The following ULK4 variants were observed in gnomAD, a reference collection of about 807,000 sequenced individuals.
ULK4 encodes the protein inactive serine/threonine-protein kinase ULK4.
ULK4 carries 133 observed loss-of-function variants against 160.6 expected under a neutral mutation model. That is an observed-to-expected ratio of 0.83 (90% CI 0.72 to 0.96). The LOEUF (loss-of-function observed/expected upper bound fraction) is 0.96. ULK4 is among the 40% of genes least tolerant of loss of function. ULK4 has a pLI of 0.00. For missense variants in ULK4, 1,580 were observed against 1,499.5 expected (o/e 1.05, Z -0.89); for synonymous variants, 534 against 539.8 (o/e 0.99, Z 0.15).
At chr3:41,900,543 C>T (rs1048264705) in intron 13 of ULK4, among the ~76,000 whole-genome samples, 182 bp downstream of exon 13, 2 of 152,070 alleles carry the variant, frequency 1.3e-5, no homozygotes, top group Non-Finnish European at 2.9e-5. Context: ...GAAGTGAAGG[C>T]AGAGGAAAGG....
intron 34 of ULK4, among the ~76,000 whole-genome samples, chr3:41,409,798 A>T (rs2082374477): frequency 1.3e-5 from 2 of 151,982 alleles, no homozygotes; most frequent in Non-Finnish European, 2.9e-5. Flanking sequence ...AAAATACAAA[A>T]ATTAGCCAGG....
intron 32 of ULK4, among the ~76,000 whole-genome samples, chr3:41,478,949 A>G (rs1357956127): frequency 2.0e-5 from 3 of 152,266 alleles, no homozygotes; most frequent in Admixed American, 2.0e-4. Flanking sequence ...TTAAAGAATG[A>G]TTGATCATAT....
intron 30 of ULK4, among the ~76,000 whole-genome samples, chr3:41,657,526 T>C (rs964289092): frequency 6.6e-6 from 1 of 152,102 alleles, no homozygotes; most frequent in Non-Finnish European, 1.5e-5. Flanking sequence ...TGTACATCTA[T>C]AGTTGACCAT....
intron 17 of ULK4, among the ~76,000 whole-genome samples, chr3:41,880,334 G>A (rs1017651584): frequency 6.6e-6 from 1 of 152,096 alleles, no homozygotes; most frequent in Non-Finnish European, 1.5e-5. Context: ...AAAAGATACA[G>A]ATGTCAATAA....
intron 32 of ULK4, among the ~76,000 whole-genome samples, chr3:41,501,338 A>C (rs1191027800): frequency 6.6e-6 from 1 of 152,156 alleles, no homozygotes. Context: ...TCTACTAAAA[A>C]TACAAACAAA....
intron 35 of ULK4, among the ~76,000 whole-genome samples, chr3:41,364,118 T>A (rs1408312188): frequency 1.3e-5 from 2 of 152,166 alleles, no homozygotes; most frequent in East Asian, 3.9e-4. Context: ...ATATATTTTT[T>A]GTAGAGACAA....
At chr3:41,842,263 G>T (rs960191641) in intron 17 of ULK4, among the ~76,000 whole-genome samples, 1 of 149,280 alleles carries the variant, frequency 6.7e-6, no homozygotes, top group Non-Finnish European at 1.5e-5. Context: ...CTATGATCAA[G>T]CCACTGTACT....
intron 33 of ULK4, among the ~76,000 whole-genome samples, chr3:41,460,090 C>G (rs913064417): frequency 2.0e-5 from 3 of 152,190 alleles, no homozygotes; most frequent in Admixed American, 2.0e-4. Flanking sequence ...TAAAAACAGA[C>G]AGCCCCCTAA....
At chr3:41,774,404 T>C (rs1160746158) in intron 21 of ULK4, among the ~76,000 whole-genome samples, 1 of 150,650 alleles carries the variant, frequency 6.6e-6, no homozygotes, top group Non-Finnish European at 1.5e-5. Flanking sequence ...CATCACAAAG[T>C]GGGCAAAGGA....
chr3:41,526,433 G>C (rs1195796409), intron 32 of ULK4, among the ~76,000 whole-genome samples: 1 of 152,172 alleles, frequency 6.6e-6, no homozygotes, highest in Non-Finnish European at 1.5e-5. Flanking sequence ...TCAGCCATAA[G>C]GTCCTGTCTA....
At chr3:41,515,026 G>A (rs191793480) in intron 32 of ULK4, among the ~76,000 whole-genome samples, 281 of 152,182 alleles carry the variant, frequency 1.8e-3, no homozygotes, top group Non-Finnish European at 2.8e-3. Context: ...AGGCTGGGGC[G>A]GGTAGATCAC....
At chr3:41,650,825 TAAAA>T (rs2034711010) in intron 30 of ULK4, among the ~76,000 whole-genome samples, 1 of 152,232 alleles carries the variant, frequency 6.6e-6, no homozygotes, top group East Asian at 1.9e-4. Flanking sequence ...ATTTTATTTA[TAAAA>T]GCAGGTGGTG....
At chr3:41,667,668 C>A (rs964891302) in intron 29 of ULK4, among the ~76,000 whole-genome samples, 3 of 152,184 alleles carry the variant, frequency 2.0e-5, no homozygotes, top group Admixed American at 6.5e-5. Context: ...AGACTAAGAT[C>A]ACTGTTGACA....
At chr3:41,707,835 AG>A (rs2036955770) in intron 25 of ULK4, among the ~76,000 whole-genome samples, 2 of 148,852 alleles carry the variant, frequency 1.3e-5, no homozygotes, top group Admixed American at 6.6e-5. Flanking sequence ...CTCCAAAAAA[AG>A]AAAAAAAAAA....
intron 34 of ULK4, among the ~76,000 whole-genome samples, chr3:41,442,090 T>C (rs1014822881): frequency 3.3e-5 from 5 of 152,190 alleles, no homozygotes; most frequent in African/African-American, 1.2e-4. Context: ...AAGCAGTATA[T>C]AGTTGGGTCT....
intron 31 of ULK4, among the ~76,000 whole-genome samples, chr3:41,596,143 C>CT (rs1268508219): frequency 2.0e-5 from 3 of 152,158 alleles, no homozygotes; most frequent in African/African-American, 7.2e-5. Flanking sequence ...GTATACTTGC[C>CT]TGCATGTTGA....
chr3:41,641,957 C>A (rs1156837237), intron 30 of ULK4, among the ~76,000 whole-genome samples: 1 of 151,104 alleles, frequency 6.6e-6, no homozygotes, highest in Non-Finnish European at 1.5e-5. Context: ...CTCACTGCAA[C>A]CTCTGCCTCC....
chr3:41,588,745 A>G (rs367886450), intron 31 of ULK4, among the ~76,000 whole-genome samples: 1 of 152,320 alleles, frequency 6.6e-6, no homozygotes, highest in African/African-American at 2.4e-5. Flanking sequence ...AAACACAAAA[A>G]CTTAAGGTTA....
chr3:41,273,174 C>T (rs568447787), intron 35 of ULK4, among the ~76,000 whole-genome samples: 2 of 152,256 alleles, frequency 1.3e-5, no homozygotes, highest in African/African-American at 4.8e-5. Flanking sequence ...TACTCTTGAT[C>T]TTTGCTTTCA....
Sources: gnomAD v4.1 joint callset for allele counts (sites outside exome capture counted in the v4.1 genomes callset) on GRCh38, gnomAD v4.1.1 for gene constraint, MANE v1.5 for transcripts, NCBI Gene and HGNC (gene_info 2026-07-23, HGNC 2026-07-21) for gene names.